NKAIN2: variants seen among roughly 807,000 people sequenced by gnomAD.
The protein encoded by NKAIN2 is sodium/potassium transporting ATPase interacting 2.
Under a neutral mutation model 32.6 loss-of-function variants are expected in NKAIN2, and 14 were observed. The observed-to-expected ratio is 0.43, with a 90% confidence interval of 0.28 to 0.67. The LOEUF (loss-of-function observed/expected upper bound fraction) is 0.67. NKAIN2 is among the 30% of genes least tolerant of loss of function. The pLI, the probability that NKAIN2 is intolerant of heterozygous loss-of-function variation, is 0.17. For missense variants in NKAIN2, 198 were observed against 258.3 expected, an observed-to-expected ratio of 0.77 and a Z score of 1.60; for synonymous variants, 80 against 87.2, an observed-to-expected ratio of 0.92 and a Z score of 0.46.
rs1199604109 is a variant in NKAIN2, at chr6:124,108,271, G to A, written c.55-174734G>A. Among the ~76,000 whole-genome samples the A allele has an allele frequency of 2.6e-5, 4 of 152,026 alleles. No individual in the cohort carries two copies. In the East Asian group the frequency reaches 7.7e-4, roughly 29 times the overall value. ...TAATTTACCTTTCCTGATGATTAGTGATATTGAGCATCTTTTCATATACAC... is the reference window on the plus strand; with the variant it reads ...TAATTTACCTTTCCTGATGATTAGTAATATTGAGCATCTTTTCATATACAC... On this transcript the variant is annotated intron_variant, in intron 1 of 6. Transcript: ENST00000368417.
At chr6:124,376,699 CAATATA>C (rs781113099) in intron 3 of NKAIN2, among the ~76,000 whole-genome samples, 4 of 152,022 alleles carry the variant, frequency 2.6e-5, no homozygotes, top group Non-Finnish European at 5.9e-5. Context: ...CTTCCCTATC[CAATATA>C]AAACAGAATA....
chr6:124,342,816 TA>T (rs1433197158), intron 2 of NKAIN2, among the ~76,000 whole-genome samples: 22 of 10,418 alleles, frequency 2.1e-3, no homozygotes, highest in East Asian at 6.7e-3. Context: ...GAAGATGTTT[TA>T]TTATTATTAT....
At chr6:123,955,358 C>T (rs1777523592) in intron 1 of NKAIN2, among the ~76,000 whole-genome samples, 1 of 151,834 alleles carries the variant, frequency 6.6e-6, no homozygotes, top group African/African-American at 2.4e-5. Context: ...TGTGAATGTA[C>T]ATTATTTGAT....
chr6:124,061,822 T>C (rs552365348), intron 1 of NKAIN2, among the ~76,000 whole-genome samples: 2 of 149,510 alleles, frequency 1.3e-5, no homozygotes, highest in Admixed American at 6.6e-5. Context: ...TAAAAAATAC[T>C]TTTTCACGTA....
At chr6:123,851,624 C>T (rs2114958950) in intron 1 of NKAIN2, among the ~76,000 whole-genome samples, 1 of 152,230 alleles carries the variant, frequency 6.6e-6, no homozygotes, top group African/African-American at 2.4e-5. Flanking sequence ...CAACAGTTTA[C>T]AAGTGTTTCC....
chr6:123,992,297 C>A (rs972015892), intron 1 of NKAIN2, among the ~76,000 whole-genome samples: 1 of 152,028 alleles, frequency 6.6e-6, no homozygotes, highest in East Asian at 1.9e-4. Context: ...GGATAAAGGT[C>A]TAGGCAGTAT....
intron 1 of NKAIN2, among the ~76,000 whole-genome samples, chr6:124,058,139 C>A (rs1174135686): frequency 2.0e-5 from 3 of 149,654 alleles, no homozygotes; most frequent in Non-Finnish European, 4.4e-5. Flanking sequence ...CTGAAGAAAA[C>A]TTCTAGAAAT....
At chr6:124,242,392 C>A (rs557788683) in intron 1 of NKAIN2, among the ~76,000 whole-genome samples, 4 of 152,024 alleles carry the variant, frequency 2.6e-5, no homozygotes, top group African/African-American at 9.7e-5. Flanking sequence ...AATCAGGAAA[C>A]AACAGATGCT....
At chr6:123,872,821 T>C (rs912108098) in intron 1 of NKAIN2, among the ~76,000 whole-genome samples, 2 of 152,214 alleles carry the variant, frequency 1.3e-5, no homozygotes, top group African/African-American at 4.8e-5. Context: ...ATTAAAATTG[T>C]CTAAAAGGTA....
chr6:124,756,289 G>T (rs1777961549), intron 4 of NKAIN2, among the ~76,000 whole-genome samples: 1 of 152,130 alleles, frequency 6.6e-6, no homozygotes, highest in Non-Finnish European at 1.5e-5. Flanking sequence ...AAGTAAAGCA[G>T]TTGTTTAAAG....
intron 1 of NKAIN2, among the ~76,000 whole-genome samples, chr6:123,810,833 A>G (rs2114861704): frequency 6.6e-6 from 1 of 152,244 alleles, no homozygotes; most frequent in South Asian, 2.1e-4. Context: ...CTTGGGAAGA[A>G]ATAGAGTAAA....
intron 2 of NKAIN2, among the ~76,000 whole-genome samples, chr6:124,305,182 T>A (rs1466078052): frequency 6.6e-6 from 1 of 152,208 alleles, no homozygotes; most frequent in East Asian, 1.9e-4. Flanking sequence ...TTTAGAGAGA[T>A]ATTCCCATCA....
In NKAIN2 at chr6:124,290,717, A is replaced by G. The variant is rs147533944; in HGVS notation, c.192+7575A>G. Among the ~76,000 whole-genome samples the G allele has an allele frequency of 6.7e-3, 1,020 of 151,802 alleles. 6 individuals are homozygous for G. Among genetic ancestry groups the G allele is most frequent in the Middle Eastern group, 0.031 (9 of 294 alleles). ...TTTTTTTTTTTTTGTAAGAAACAAA[A>G]CAGGCCTTGCTTAAGTGTATCCTAA... is the stretch of plus-strand genomic sequence containing the variant. On this transcript the variant is annotated intron_variant, in intron 2 of 6. Coordinates refer to ENST00000368417, the MANE Select transcript of NKAIN2 (RefSeq NM_001040214.3).
intron 3 of NKAIN2, among the ~76,000 whole-genome samples, chr6:124,429,967 T>G (rs1183829723): frequency 6.6e-6 from 1 of 151,860 alleles, no homozygotes. Flanking sequence ...GACATTAAAT[T>G]TAGGTAGATG....
intron 1 of NKAIN2, among the ~76,000 whole-genome samples, chr6:123,910,757 G>A (rs1775139871): frequency 6.6e-6 from 1 of 151,812 alleles, no homozygotes; most frequent in Non-Finnish European, 1.5e-5. Flanking sequence ...GCCCGCCTTA[G>A]CCTCCCAAAG....
At chr6:123,916,166 T>A (rs1775483431) in intron 1 of NKAIN2, among the ~76,000 whole-genome samples, 1 of 152,160 alleles carries the variant, frequency 6.6e-6, no homozygotes, top group South Asian at 2.1e-4. Flanking sequence ...GCACATGCAC[T>A]TTGAGATAAG....
At chr6:123,886,581 T>C (rs1030995899) in intron 1 of NKAIN2, among the ~76,000 whole-genome samples, 3 of 152,114 alleles carry the variant, frequency 2.0e-5, no homozygotes, top group African/African-American at 7.2e-5. Flanking sequence ...CTAATGAAAA[T>C]TGCTGATTAA....
intron 3 of NKAIN2, among the ~76,000 whole-genome samples, chr6:124,612,241 TA>T (rs952598643): frequency 6.6e-6 from 1 of 151,128 alleles, no homozygotes; most frequent in East Asian, 1.9e-4. Flanking sequence ...TGAAAACTGC[TA>T]GGGGGAAAAA....
chr6:124,109,487 T>C (rs1785268988), intron 1 of NKAIN2, among the ~76,000 whole-genome samples: 1 of 152,094 alleles, frequency 6.6e-6, no homozygotes, highest in South Asian at 2.1e-4. Context: ...TATGTGTCTA[T>C]AGACTTTAGT....
Sources: gnomAD v4.1 joint callset for allele counts (sites outside exome capture counted in the v4.1 genomes callset) on GRCh38, gnomAD v4.1.1 for gene constraint, MANE v1.5 for transcripts, NCBI Gene and HGNC (gene_info 2026-07-23, HGNC 2026-07-21) for gene names.